Variants in WIZ observed in about 807,000 individuals in gnomAD.
WIZ encodes WIZ zinc finger.
A neutral mutation model predicts 140.2 loss-of-function variants in WIZ; 25 were observed. The ratio of observed to expected loss-of-function variants is 0.18; its 90% confidence interval spans 0.13 to 0.25. The LOEUF is 0.25. Among genes scored for constraint, WIZ ranks in the 10% least tolerant of loss-of-function variants. WIZ has a pLI of 1.00. For synonymous variants in WIZ, 1,125 were observed against 1,154.3 expected (o/e 0.97, Z 0.51); for missense variants, 2,231 against 2,632.6 (o/e 0.85, Z 3.34).
At chr19:15,437,759 T>C (rs1433353112) in intron 4 of WIZ, among the ~76,000 whole-genome samples, 1 of 152,254 alleles carries the variant, frequency 6.6e-6, no homozygotes, top group Non-Finnish European at 1.5e-5. Flanking sequence ...TTTTTACTCA[T>C]GATCACGCAA....
Position 15,439,616 on chromosome 19 carries a change from C to T in WIZ, c.1378G>A (p.Ala460Thr), listed in dbSNP as rs1396725992. The change falls in exon 4 of 13, where the codon GCC becomes ACC. Residue 460 changes from alanine to threonine, a missense_variant. Ala to Thr is a moderately conservative substitution (Grantham distance 58, BLOSUM62 0). Transcript: ENST00000673675. The surrounding 1 kb of genome is among the most constrained non-coding windows in gnomAD (Gnocchi z 7.0). ...AAGACACAGGCGCTGAGGCCAACGG[C>T]AGCTCCGTAGGGCTGATAGAGGAGG... is the stretch of plus-strand genomic sequence containing the variant. ...SALLYQPYGA[A>T]VGLSACVFCG... 46 of 1,481,344 alleles carry T rather than the reference C, an allele frequency of 3.1e-5. No homozygotes were observed. The Admixed American group carries it at 9.1e-4, about 29-fold the overall frequency. 91.8% of individuals were successfully genotyped at this position (1,481,344 alleles called of 1,614,324 possible).
chr19:15,427,654 G>C lies in WIZ; in HGVS notation c.3815-121C>G, dbSNP rs948061543. On this transcript the variant is annotated intron_variant, in intron 8 of 12. Coordinates refer to ENST00000673675, the MANE Select transcript of WIZ (RefSeq NM_001371589.1). The surrounding 1 kb of genome is among the most constrained non-coding windows in gnomAD (Gnocchi z 6.4). ...GCACGCCCACAGGTTAGGGTGGTGAGGGCAGGTGCAGGTAAGGGAGTGGAG... is the reference window on the plus strand; with the variant it reads ...GCACGCCCACAGGTTAGGGTGGTGACGGCAGGTGCAGGTAAGGGAGTGGAG... 1.7e-6 allele frequency: 2 copies of C among 1,150,796 alleles called. No individual in the cohort carries two copies. Among genetic ancestry groups the C allele is most frequent in the Non-Finnish European group, 2.4e-6 (2 of 834,674 alleles). The allele number at this position is 1,150,796 out of a possible 1,614,324, so 71.3% of individuals were successfully genotyped here.
At chr19:15,444,902 G>C (rs1156351992) in intron 2 of WIZ, among the ~76,000 whole-genome samples, 2 of 152,236 alleles carry the variant, frequency 1.3e-5, no homozygotes, top group African/African-American at 2.4e-5. Context: ...TTCTGCGATT[G>C]CTGTTGTCTA....
rs756282220 is a variant in WIZ at position 15,427,504 on chromosome 19, G to A, written c.3844C>T (p.Arg1282Cys). 5 of 1,610,804 alleles carry A rather than the reference G, an allele frequency of 3.1e-6. No individual in the cohort carries two copies. Among genetic ancestry groups the A allele is most frequent in the African/African-American group, 1.3e-5 (1 of 74,868 alleles). Reference protein sequence around the residue: ...SSGPEPARDIRCEFCGEFFEN... With the variant: ...SSGPEPARDICCEFCGEFFEN... ...AAGAACTCACCACAGAACTCGCAGC[G>A]GATGTCTCGTGCTGGCTCTGGGCCT... The change falls in exon 9 of 13, where the codon CGC becomes TGC. Residue 1282 changes from arginine to cysteine, a missense_variant. Arg to Cys is a radical substitution (Grantham distance 180). Transcript: ENST00000673675. The surrounding 1 kb of genome is among the most constrained non-coding windows in gnomAD (Gnocchi z 6.4).
intron 9 of WIZ, among the ~76,000 whole-genome samples, chr19:15,426,718 A>G (rs1206019592): frequency 1.3e-5 from 2 of 152,338 alleles, no homozygotes; most frequent in African/African-American, 4.8e-5. Flanking sequence ...AGCCACTACC[A>G]ATCGATTGAA....
intron 6 of WIZ, 128 bp from the exon 7 acceptor site, chr19:15,430,217 C>T (rs1032876972): frequency 1.9e-5 from 25 of 1,308,834 alleles, no homozygotes; most frequent in South Asian, 4.7e-5. Flanking sequence ...TCAGGCCCCC[C>T]AAACCTCACA....
chr19:15,430,111 G>A (rs1373448550), intron 6 of WIZ, 22 bp from the exon 7 acceptor site: 31 of 1,494,424 alleles, frequency 2.1e-5, no homozygotes, highest in South Asian at 1.4e-4. Context: ...CACAGAGGCC[G>A]GGAGAGCAGG....
At chr19:15,446,858 C>T (rs532930304) in intron 2 of WIZ, among the ~76,000 whole-genome samples, 66 of 152,358 alleles carry the variant, frequency 4.3e-4, no homozygotes, top group African/African-American at 1.5e-3. Context: ...CGCTGTGCCC[C>T]AGGGCGTGGC....
At chr19:15,443,961 C>T (rs1969830144) in intron 2 of WIZ, among the ~76,000 whole-genome samples, 1 of 152,172 alleles carries the variant, frequency 6.6e-6, no homozygotes, top group African/African-American at 2.4e-5. Flanking sequence ...GAGCCAATGC[C>T]TGGAGCGACC....
chr19:15,421,644 A>G lies in WIZ; in HGVS notation c.*1432T>C, dbSNP rs1968376474. ...CTTTTCCCCGCATGTTCCTTGGGTCAGGGGTGCATGTGTCTCACTAGAAGT... is the reference window on the plus strand; with the variant it reads ...CTTTTCCCCGCATGTTCCTTGGGTCGGGGGTGCATGTGTCTCACTAGAAGT... On this transcript the variant is annotated 3_prime_UTR_variant, in exon 13 of 13. Transcript: ENST00000673675. 1 of 152,222 alleles carries G rather than the reference A, an allele frequency of 6.6e-6. No homozygotes were observed. Among genetic ancestry groups the G allele is most frequent in the African/African-American group, 2.4e-5 (1 of 41,456 alleles). 9.4% of individuals were successfully genotyped at this position (152,222 alleles called of 1,614,324 possible).
intron 2 of WIZ, among the ~76,000 whole-genome samples, chr19:15,444,461 G>A (rs1969848901): frequency 6.6e-6 from 1 of 152,178 alleles, no homozygotes; most frequent in African/African-American, 2.4e-5. Context: ...GGTCCATCCT[G>A]TGCATTGCAG....
chr19:15,429,096 G>A (rs1758731249), intron 7 of WIZ, among the ~76,000 whole-genome samples: 1 of 152,194 alleles, frequency 6.6e-6, no homozygotes, highest in South Asian at 2.1e-4. Flanking sequence ...AGCCCAGGAG[G>A]TGGGGCTTCA....
In WIZ at chr19:15,422,720, T is replaced by C. The variant is rs1245805721; in HGVS notation, c.*356A>G. ...CCAGAACAGGGGTCTTTGGGGTCTT[T>C]GCAAATGGCCACGGATGGCAGACAT... is the stretch of plus-strand genomic sequence containing the variant. On this transcript the variant is annotated 3_prime_UTR_variant, in exon 13 of 13. Transcript: ENST00000673675. 1.9e-5 allele frequency: 6 copies of C among 317,778 alleles called. No individual in the cohort carries two copies. Among genetic ancestry groups the C allele is most frequent in the Non-Finnish European group, 2.9e-5 (5 of 169,536 alleles). 19.7% of individuals were successfully genotyped at this position (317,778 alleles called of 1,614,324 possible).
In WIZ at chr19:15,439,225, T is replaced by C; in HGVS notation, c.1769A>G (p.Tyr590Cys). The change falls in exon 4 of 13, where the codon TAC (tyrosine) becomes TGC (cysteine). Residue 590 changes from tyrosine to cysteine, a missense_variant. Tyr to Cys is a radical substitution (Grantham distance 194). Around this residue, in one of 15 missense-constraint regions of WIZ, gnomAD observed 475 missense variants for 520.2 expected, o/e 0.91. Coordinates refer to ENST00000673675, the MANE Select transcript of WIZ (RefSeq NM_001371589.1). This position sits in a 1 kb window ranked among gnomAD's most constrained non-coding sequence, Gnocchi z 7.0. Reference sequence around the variant, plus strand: ...TTTGTTTCTCCCGAGCTGTAAGGAGTAGGGGGTGGATGCTAGTGTGGAGGG... The same window carrying C: ...TTTGTTTCTCCCGAGCTGTAAGGAGCAGGGGGTGGATGCTAGTGTGGAGGG... ...AFPSTLASTP[Y>C]SLQLGRNKST... is the part of the protein sequence containing the mutation. 1 of 1,534,186 alleles carries C rather than the reference T, an allele frequency of 6.5e-7. No individual in the cohort carries two copies. Among genetic ancestry groups the C allele is most frequent in the Non-Finnish European group, 8.7e-7 (1 of 1,146,188 alleles).
Position 15,428,298 on chromosome 19 carries a change from A to G in WIZ, c.3626T>C (p.Leu1209Pro). The G allele has an allele frequency of 2.6e-6, 4 of 1,531,246 alleles. No individual in the cohort carries two copies. The highest frequency in any genetic ancestry group is 3.5e-6 in the Non-Finnish European group (4 of 1,145,034). 94.9% of individuals were successfully genotyped at this position (1,531,246 alleles called of 1,614,324 possible). A position where few individuals can be genotyped will look rare whatever the true frequency, so the allele number is the denominator to read the frequency against. ...QIRLPPRRGA[L>P]AHPGRPPPTS... ...GGGAGGCGGCCGCCCCGGGTGGGCC[A>G]GGGCGCCGCGCCTGGGTGGGAGGCG... Residue 1209 changes from leucine (L) to proline (P), a missense_variant, in exon 8 of 13, where the codon CTG becomes CCG. Coordinates refer to ENST00000673675, the MANE Select transcript of WIZ (RefSeq NM_001371589.1). This position sits in a 1 kb window ranked among gnomAD's most constrained non-coding sequence, Gnocchi z 6.4.
At chr19:15,441,228 C>G (rs1218585322) in intron 3 of WIZ, among the ~76,000 whole-genome samples, 1 of 152,058 alleles carries the variant, frequency 6.6e-6, no homozygotes, top group Non-Finnish European at 1.5e-5. Context: ...TCCAGAAAGG[C>G]AGAGTCAGGA....
chr19:15,420,099 T>A lies in WIZ; in HGVS notation c.*2977A>T, dbSNP rs1299422043. On this transcript the variant is annotated 3_prime_UTR_variant, in exon 13 of 13. Coordinates refer to ENST00000673675, the MANE Select transcript of WIZ (RefSeq NM_001371589.1). The stretch of plus-strand genomic sequence containing the variant: ...ACTGAAATACTAAGAAGTTAACTGA[T>A]CTTATGGCCAGGATGTGCTTCACAC... 6.6e-6 allele frequency: 1 copy of A among 152,170 alleles called. No individual in the cohort carries two copies. The highest frequency in any genetic ancestry group is 1.9e-4 in the East Asian group (1 of 5,198). The allele number at this position is 152,170 out of a possible 1,614,324, so 9.4% of individuals were successfully genotyped here. A position where few individuals can be genotyped will look rare whatever the true frequency, so the allele number is the denominator to read the frequency against.
rs1430834228 is a variant in WIZ, at chr19:15,440,142, G to T, written c.852C>A (p.Ile284=). Residue 284 remains isoleucine, a synonymous_variant, in exon 4 of 13, where the codon ATC becomes ATA. Coordinates refer to ENST00000673675, the MANE Select transcript of WIZ (RefSeq NM_001371589.1). The surrounding 1 kb of genome is among the most constrained non-coding windows in gnomAD (Gnocchi z 6.2). ...VERLQPLLPP[I]RTGPYLCELL... is the part of the protein sequence containing the mutation. The stretch of plus-strand genomic sequence containing the variant: ...GCTCACACAGGTAGGGCCCGGTCCG[G>T]ATCGGGGGCAGTAGCGGCTGCAGCC... 2 of 1,532,942 alleles carry T rather than the reference G, an allele frequency of 1.3e-6. No individual in the cohort carries two copies. The highest frequency in any genetic ancestry group is 1.7e-4 in the Middle Eastern group (1 of 5,968). 95.0% of individuals were successfully genotyped at this position (1,532,942 alleles called of 1,614,324 possible). A position where few individuals can be genotyped will look rare whatever the true frequency, so the allele number is the denominator to read the frequency against.
rs887898 is a variant in WIZ, at chr19:15,428,628, A to C, written c.3416-120T>G. On this transcript the variant is annotated intron_variant, in intron 7 of 12. Transcript: ENST00000673675. This position sits in a 1 kb window ranked among gnomAD's most constrained non-coding sequence, Gnocchi z 6.4. ...CAGGCAGTTGGGGGGTCCAAGACTC[A>C]GGCCGCAGATTTCTTTTGAAGTTTG... is the stretch of plus-strand genomic sequence containing the variant. The C allele has an allele frequency of 8.4e-7, 1 of 1,184,848 alleles. No individual in the cohort carries two copies. Among genetic ancestry groups the C allele is most frequent in the Non-Finnish European group, 1.2e-6 (1 of 852,572 alleles). The allele number at this position is 1,184,848 out of a possible 1,614,324, so 73.4% of individuals were successfully genotyped here.
Sources: allele counts gnomAD v4.1 joint callset (sites outside exome capture counted in the v4.1 genomes callset), GRCh38; gene constraint gnomAD v4.1.1; regional missense constraint gnomAD v4.1.1; non-coding constraint Gnocchi (gnomAD v3.1); transcripts MANE v1.5; gene names NCBI Gene and HGNC (gene_info 2026-07-23, HGNC 2026-07-21).